EPB41L4B: variants seen among roughly 807,000 people sequenced by gnomAD.
EPB41L4B encodes erythrocyte membrane protein band 4.1 like 4B.
Under a neutral mutation model 112.5 loss-of-function variants are expected in EPB41L4B, and 30 were observed. That is an observed-to-expected ratio of 0.27 (90% CI 0.20 to 0.36). EPB41L4B has a LOEUF of 0.36. Ranked by LOEUF, EPB41L4B falls within the 10% of genes least tolerant of loss-of-function variation. The pLI, the probability that EPB41L4B is intolerant of heterozygous loss-of-function variation, is 1.00. For missense variants in EPB41L4B, 1,024 were observed against 1,133.3 expected, an observed-to-expected ratio of 0.90 and a Z score of 1.38; for synonymous variants, 408 against 439.7, an observed-to-expected ratio of 0.93 and a Z score of 0.90.
intron 18 of EPB41L4B, among the ~76,000 whole-genome samples, chr9:109,204,969 C>G (rs1832946697): frequency 6.6e-6 from 1 of 152,204 alleles, no homozygotes; most frequent in Non-Finnish European, 1.5e-5. Context: ...CCCCTCAAAA[C>G]CCTCTAAACC....
intron 1 of EPB41L4B, among the ~76,000 whole-genome samples, chr9:109,281,760 G>T (rs1040210184): frequency 3.3e-5 from 5 of 151,838 alleles, no homozygotes; most frequent in African/African-American, 1.2e-4. Context: ...CATAACAAAT[G>T]TTGGAGAAGT....
chr9:109,290,392 T>C (rs543999206), intron 1 of EPB41L4B, among the ~76,000 whole-genome samples: 1 of 152,280 alleles, frequency 6.6e-6, no homozygotes, highest in African/African-American at 2.4e-5. Flanking sequence ...TTAATAAAAA[T>C]AGAGGTATGT....
intron 20 of EPB41L4B, among the ~76,000 whole-genome samples, chr9:109,198,544 C>A (rs1251661812): frequency 6.6e-6 from 1 of 152,158 alleles, no homozygotes; most frequent in African/African-American, 2.4e-5. Context: ...TCCAGAGATC[C>A]CCCTGCAGTT....
In EPB41L4B at chr9:109,313,222, G is replaced by A. The variant is rs187246594; in HGVS notation, c.306+6919C>T. ...GCTTAAGAAACACTCTTCTCTCTCC[G>A]ATACCCCTCCCCCATGCTTAATGTA... On this transcript the variant is annotated intron_variant, in intron 1 of 25. Coordinates refer to ENST00000374566, the MANE Select transcript of EPB41L4B (RefSeq NM_019114.5). Among the ~76,000 whole-genome samples the A allele has an allele frequency of 3.5e-3, 538 of 152,306 alleles. 2 individuals carry two copies. Among genetic ancestry groups the A allele is most frequent in the Middle Eastern group, 0.014 (4 of 294 alleles).
chr9:109,287,670 G>A (rs879584740), intron 1 of EPB41L4B, among the ~76,000 whole-genome samples: 11 of 152,046 alleles, frequency 7.2e-5, no homozygotes, highest in African/African-American at 1.7e-4. Flanking sequence ...GGTCTTTACT[G>A]TTACCCCGGG....
chr9:109,267,751 T>C (rs1025204696), intron 3 of EPB41L4B, among the ~76,000 whole-genome samples, 200 bp from the exon 4 acceptor site: 1 of 152,212 alleles, frequency 6.6e-6, no homozygotes, highest in Non-Finnish European at 1.5e-5. Context: ...CTGACTAAGA[T>C]AGTTTAGCTA....
intron 1 of EPB41L4B, among the ~76,000 whole-genome samples, chr9:109,280,516 G>C (rs909771177): frequency 8.5e-5 from 13 of 152,162 alleles, no homozygotes; most frequent in Non-Finnish European, 1.5e-4. Flanking sequence ...GAAACAAGGG[G>C]TCAAGTCCTG....
At chr9:109,305,687 C>T (rs1421266388) in intron 1 of EPB41L4B, among the ~76,000 whole-genome samples, 2 of 151,902 alleles carry the variant, frequency 1.3e-5, no homozygotes, top group Non-Finnish European at 2.9e-5. Flanking sequence ...CTTTGGGAGG[C>T]TGCGGTGGGC....
chr9:109,201,713 G>A (rs1832840098), intron 19 of EPB41L4B, among the ~76,000 whole-genome samples: 1 of 152,104 alleles, frequency 6.6e-6, no homozygotes, highest in African/African-American at 2.4e-5. Flanking sequence ...GAGGCAGAGT[G>A]GAGACCTGGC....
At chr9:109,230,343 C>A (rs1488971807) in intron 15 of EPB41L4B, among the ~76,000 whole-genome samples, 1 of 152,186 alleles carries the variant, frequency 6.6e-6, no homozygotes, top group Non-Finnish European at 1.5e-5. Flanking sequence ...AAGGAGCAAT[C>A]TAATGACAAA....
chr9:109,212,726 A>G (rs1201189386), intron 17 of EPB41L4B, among the ~76,000 whole-genome samples: 2 of 152,194 alleles, frequency 1.3e-5, no homozygotes, highest in African/African-American at 4.8e-5. Context: ...TCCTTAGGGG[A>G]TTTAAAAAAT....
At chr9:109,239,157 G>A (rs1192943834) in intron 15 of EPB41L4B, among the ~76,000 whole-genome samples, 1 of 152,194 alleles carries the variant, frequency 6.6e-6, no homozygotes, top group Non-Finnish European at 1.5e-5. Flanking sequence ...GCTCCTATGG[G>A]ATCCATGCCA....
At chr9:109,244,787 A>G (rs182987790) in intron 14 of EPB41L4B, among the ~76,000 whole-genome samples, 2 of 152,252 alleles carry the variant, frequency 1.3e-5, no homozygotes, top group East Asian at 3.9e-4. Flanking sequence ...CTAAGGGGCA[A>G]ATTAGGCCCT....
intron 1 of EPB41L4B, among the ~76,000 whole-genome samples, chr9:109,290,790 C>A (rs535982501): frequency 6.6e-6 from 1 of 151,096 alleles, no homozygotes; most frequent in Non-Finnish European, 1.5e-5. Context: ...ACACCCCCCA[C>A]CAAGTGGCCC....
At chr9:109,206,771 A>G (rs1833005170) in intron 18 of EPB41L4B, among the ~76,000 whole-genome samples, 1 of 152,188 alleles carries the variant, frequency 6.6e-6, no homozygotes, top group African/African-American at 2.4e-5. Context: ...TCAAACATCT[A>G]TTTTATGGAG....
At position 109,256,118 on chromosome 9, in the gene EPB41L4B, T is replaced by G; in HGVS notation, c.929+18A>C. 1 of 1,596,446 alleles carries G rather than the reference T, an allele frequency of 6.3e-7. No homozygotes were observed. The highest frequency in any genetic ancestry group is 1.1e-5 in the South Asian group (1 of 90,442). On this transcript the variant is annotated intron_variant, in intron 9 of 25. Coordinates refer to ENST00000374566, the MANE Select transcript of EPB41L4B (RefSeq NM_019114.5). ...AAATAGGAAAAGACATTTTTAATAT[T>G]AGACAAAACTAAATTACCAAAAGAA... is the stretch of plus-strand genomic sequence containing the variant.
rs373710964 is a variant in EPB41L4B at position 109,251,558 on chromosome 9, G to A, written c.1280-47C>T. The stretch of plus-strand genomic sequence containing the variant: ...TTATGACATCTTAGAGAACTTTATC[G>A]CTTTCACCATGCAATGACAGATAAT... On this transcript the variant is annotated intron_variant, in intron 12 of 25. Coordinates refer to ENST00000374566, the MANE Select transcript of EPB41L4B (RefSeq NM_019114.5). The A allele has an allele frequency of 7.9e-5, 124 of 1,562,596 alleles. No individual in the cohort carries two copies. In the South Asian group the frequency reaches 1.3e-3, roughly 16 times the overall value.
rs928327432 is a variant in EPB41L4B at position 109,187,638 on chromosome 9, A to T, written c.2302-2033T>A. Among the ~76,000 whole-genome samples, 12 of 152,264 alleles carry T rather than the reference A, an allele frequency of 7.9e-5. No individual in the cohort carries two copies. In the South Asian group the frequency reaches 1.5e-3, roughly 18 times the overall value. ...GGGCATCCATACTCCAACCAGAAAC[A>T]ACTACAACAGGGGACCCAGGCCACT... On this transcript the variant is annotated intron_variant, in intron 22 of 25. Transcript: ENST00000374566.
At chr9:109,270,270 T>C (rs936996703) in intron 2 of EPB41L4B, among the ~76,000 whole-genome samples, 1 of 152,250 alleles carries the variant, frequency 6.6e-6, no homozygotes, top group Non-Finnish European at 1.5e-5. Flanking sequence ...CTCATTTATA[T>C]AAAATTATTA....
Sources: gnomAD v4.1 joint callset for allele counts (sites outside exome capture counted in the v4.1 genomes callset) on GRCh38, gnomAD v4.1.1 for gene constraint, MANE v1.5 for transcripts, NCBI Gene and HGNC (gene_info 2026-07-23, HGNC 2026-07-21) for gene names.